The following GABPB2 variants were observed in gnomAD, a reference collection of about 807,000 sequenced individuals.
The protein encoded by GABPB2 is GA binding protein transcription factor subunit beta 2.
A neutral mutation model predicts 39.1 loss-of-function variants in GABPB2; 23 were observed. The observed-to-expected ratio is 0.59, with a 90% CI of 0.42 to 0.83. The LOEUF is 0.83. Among genes scored for constraint, GABPB2 ranks in the 40% least tolerant of loss-of-function variants. The probability of loss-of-function intolerance (pLI) is 0.00; values close to 1 mark genes in which losing one functional copy is unlikely to be tolerated. For synonymous variants in GABPB2, 184 were observed against 199.3 expected (o/e 0.92, Z 0.65); for missense variants, 467 against 541.1 (o/e 0.86, Z 1.36).
chr1:151,095,157 G>T (rs1276093842), intron 4 of GABPB2, among the ~76,000 whole-genome samples: 12 of 152,022 alleles, frequency 7.9e-5, no homozygotes, highest in Admixed American at 7.9e-4. Flanking sequence ...AATCTGAACT[G>T]AATATTGAAG....
intron 1 of GABPB2, among the ~76,000 whole-genome samples, chr1:151,080,723 C>T (rs970067897): frequency 1.3e-5 from 2 of 149,436 alleles, no homozygotes; most frequent in Admixed American, 6.7e-5. Context: ...TGGCGTGGCA[C>T]CTCTAATCCC....
chr1:151,101,445 G>A (rs975027519), intron 5 of GABPB2, among the ~76,000 whole-genome samples: 10 of 151,382 alleles, frequency 6.6e-5, no homozygotes, highest in Admixed American at 1.3e-4. Context: ...ATGGTGGTGC[G>A]CGCCTGTAGT....
chr1:151,086,692 A>G (rs1678226534), intron 1 of GABPB2, among the ~76,000 whole-genome samples: 1 of 150,110 alleles, frequency 6.7e-6, no homozygotes, highest in African/African-American at 2.5e-5. Context: ...TTTTGAGTCA[A>G]GATCTGGCTC....
chr1:151,099,580 A>G (rs978996562), intron 5 of GABPB2, among the ~76,000 whole-genome samples: 5 of 152,086 alleles, frequency 3.3e-5, no homozygotes, highest in African/African-American at 9.7e-5. Flanking sequence ...CCAGTTGACT[A>G]TTGGTTTCTT....
chr1:151,099,578 CTATT>C (rs1679365270), intron 5 of GABPB2, among the ~76,000 whole-genome samples: 1 of 152,136 alleles, frequency 6.6e-6, no homozygotes, highest in South Asian at 2.1e-4. Flanking sequence ...TTCCAGTTGA[CTATT>C]GGTTTCTTTT....
rs1382335559 is a variant in GABPB2 at position 151,118,049 on chromosome 1, G to A, written c.1140G>A (p.Gln380=). The A allele has an allele frequency of 6.2e-7, 1 of 1,614,192 alleles. No individual in the cohort carries two copies. Among genetic ancestry groups the A allele is most frequent in the East Asian group, 2.2e-5 (1 of 44,886 alleles). Residue 380 remains glutamine, a synonymous_variant, in exon 9 of 9, where the codon CAG becomes CAA. Coordinates refer to ENST00000368918, the MANE Select transcript of GABPB2 (RefSeq NM_144618.3). Reference sequence around the variant, plus strand: ...GACACCAGCTCCTAAAGAAAGAGCAGGAAGCAGAACAGTACCGTCTTAAGC... The same window carrying A: ...GACACCAGCTCCTAAAGAAAGAGCAAGAAGCAGAACAGTACCGTCTTAAGC... ...EYRHQLLKKE[Q]EAEQYRLKLE...
chr1:151,084,557 C>T (rs1432816264), intron 1 of GABPB2, among the ~76,000 whole-genome samples: 5 of 88,870 alleles, frequency 5.6e-5, no homozygotes, highest in African/African-American at 1.4e-4. Flanking sequence ...TTTTTTGAGA[C>T]GGAGTCTCAC....
At chr1:151,075,529 A>C (rs1226685904) in intron 1 of GABPB2, among the ~76,000 whole-genome samples, 1 of 141,092 alleles carries the variant, frequency 7.1e-6, no homozygotes, top group Non-Finnish European at 1.5e-5. Context: ...GTGCCACTGC[A>C]CTCTAGCCTG....
intron 1 of GABPB2, among the ~76,000 whole-genome samples, chr1:151,081,952 A>G (rs1022512238): frequency 1.3e-5 from 2 of 151,576 alleles, no homozygotes; most frequent in African/African-American, 4.8e-5. Flanking sequence ...CTTCATTCTT[A>G]TATCTACTTC....
chr1:151,101,843 T>G (rs2101532484), intron 5 of GABPB2, among the ~76,000 whole-genome samples: 1 of 152,300 alleles, frequency 6.6e-6, no homozygotes, highest in South Asian at 2.1e-4. Context: ...AAGTAAGATT[T>G]ATACAAAACT....
rs144172495 is a variant in GABPB2 at position 151,083,200 on chromosome 1, A to G, written c.1-4990A>G. 1.1e-3 allele frequency among the ~76,000 whole-genome samples: 169 copies of G among 152,316 alleles called. 1 individual carries two copies. The highest frequency in any genetic ancestry group is 3.8e-3 in the African/African-American group (156 of 41,572). On this transcript the variant is annotated intron_variant, in intron 1 of 8. Transcript: ENST00000368918. ...ATGCATTTTATTATACAATGTCAAA[A>G]AATCACATTAATATTACCACTTATT...
At chr1:151,074,093 A>G (rs978224358) in intron 1 of GABPB2, among the ~76,000 whole-genome samples, 1 of 137,692 alleles carries the variant, frequency 7.3e-6, no homozygotes, top group African/African-American at 2.8e-5. Flanking sequence ...CTCCTGCCTC[A>G]GCCTCCTGAG....
chr1:151,091,943 C>T (rs1228149271), intron 3 of GABPB2, among the ~76,000 whole-genome samples: 3 of 151,696 alleles, frequency 2.0e-5, no homozygotes, highest in Admixed American at 6.6e-5. Flanking sequence ...GCACCATGCC[C>T]AGCTAATTTA....
chr1:151,091,436 GCT>G (rs1678691118), intron 3 of GABPB2, among the ~76,000 whole-genome samples: 1 of 112,216 alleles, frequency 8.9e-6, no homozygotes, highest in Non-Finnish European at 1.7e-5. Flanking sequence ...TGAACTCTCA[GCT>G]GGGTGCGGTG....
chr1:151,094,330 G>A (rs1311266475), intron 4 of GABPB2, among the ~76,000 whole-genome samples: 3 of 151,258 alleles, frequency 2.0e-5, no homozygotes, highest in Non-Finnish European at 2.9e-5. Context: ...GGGATTACAA[G>A]TGTCAGCCAC....
chr1:151,097,990 A>G lies in GABPB2; in HGVS notation c.610A>G (p.Lys204Glu), dbSNP rs1382419893. ...AAGCCTTATTTCTTCAACCAACACCAAAACAACCTCAGGTAATGTTCTGAT... is the reference window on the plus strand; with the variant it reads ...AAGCCTTATTTCTTCAACCAACACCGAAACAACCTCAGGTAATGTTCTGAT... Reference protein sequence around the residue: ...LASLISSTNTKTTSGDPHAST... With the variant: ...LASLISSTNTETTSGDPHAST... The change falls in exon 5 of 9, where the codon AAA becomes GAA. Residue 204 changes from lysine to glutamate, a missense_variant. Lys to Glu is a moderately conservative substitution (Grantham distance 56). Transcript: ENST00000368918. 6.2e-7 allele frequency: 1 copy of G among 1,613,926 alleles called. No homozygotes were observed. The highest frequency in any genetic ancestry group is 1.7e-5 in the Admixed American group (1 of 59,968).
Position 151,118,320 on chromosome 1 carries a change from G to A in GABPB2, c.*64G>A. On this transcript the variant is annotated 3_prime_UTR_variant, in exon 9 of 9. Coordinates refer to ENST00000368918, the MANE Select transcript of GABPB2 (RefSeq NM_144618.3). Reference sequence around the variant, plus strand: ...CCTCTTTTAAAAAAGGAAATATACAGAAGACAAACATTGTATAAAAACTAA... The same window carrying A: ...CCTCTTTTAAAAAAGGAAATATACAAAAGACAAACATTGTATAAAAACTAA... 1 of 1,418,550 alleles carries A rather than the reference G, an allele frequency of 7.0e-7. No individual in the cohort carries two copies. The highest frequency in any genetic ancestry group is 1.3e-5 in the South Asian group (1 of 75,384). 87.9% of individuals were successfully genotyped at this position (1,418,550 alleles called of 1,614,324 possible).
At chr1:151,075,925 T>C (rs1328443122) in intron 1 of GABPB2, among the ~76,000 whole-genome samples, 2 of 152,110 alleles carry the variant, frequency 1.3e-5, no homozygotes, top group Admixed American at 6.6e-5. Context: ...ATCCATCTTC[T>C]GTAACTTTTT....
chr1:151,099,036 A>G (rs1184014280), intron 5 of GABPB2, among the ~76,000 whole-genome samples: 1 of 146,474 alleles, frequency 6.8e-6, no homozygotes, highest in African/African-American at 2.5e-5. Context: ...GTGAGCCGAG[A>G]TTGCGCCATT....
Sources: allele counts gnomAD v4.1 joint callset (sites outside exome capture counted in the v4.1 genomes callset), GRCh38; gene constraint gnomAD v4.1.1; transcripts MANE v1.5; gene names NCBI Gene and HGNC (gene_info 2026-07-23, HGNC 2026-07-21).